Variants in CNTNAP5 observed in about 807,000 individuals in gnomAD.
CNTNAP5 encodes contactin associated protein family member 5.
In CNTNAP5, 72 loss-of-function variants were observed where a neutral mutation model predicts 150.2. The ratio of observed to expected loss-of-function variants is 0.48; its 90% CI spans 0.40 to 0.58. The LOEUF is 0.58. CNTNAP5 is among the 20% of genes least tolerant of loss of function. The pLI, the probability that CNTNAP5 is intolerant of heterozygous loss-of-function variation, is 0.00. For synonymous variants in CNTNAP5, 672 were observed against 619.8 expected (o/e 1.08, Z -1.25); for missense variants, 1,636 against 1,626.2 (o/e 1.01, Z -0.10).
chr2:124,226,454 GT>G (rs543379543), intron 2 of CNTNAP5, among the ~76,000 whole-genome samples: 241 of 152,120 alleles, frequency 1.6e-3, no homozygotes, highest in Non-Finnish European at 2.2e-3. Flanking sequence ...TGGGTTATTT[GT>G]TTTTTTGCTA....
intron 7 of CNTNAP5, among the ~76,000 whole-genome samples, chr2:124,489,540 A>G (rs1387515452): frequency 6.6e-6 from 1 of 152,170 alleles, no homozygotes; most frequent in Non-Finnish European, 1.5e-5. Context: ...CAACACATGA[A>G]TTTAGAGGAA....
chr2:124,738,287 A>G (rs1680428554), intron 13 of CNTNAP5, among the ~76,000 whole-genome samples: 1 of 152,176 alleles, frequency 6.6e-6, no homozygotes, highest in Non-Finnish European at 1.5e-5. Flanking sequence ...TTGTCGTATC[A>G]GGGAAATTGT....
At chr2:124,052,221 A>G (rs1681714982) in intron 1 of CNTNAP5, among the ~76,000 whole-genome samples, 1 of 152,200 alleles carries the variant, frequency 6.6e-6, no homozygotes, top group African/African-American at 2.4e-5. Context: ...TGATCCTTAA[A>G]TTTCATCAGA....
intron 1 of CNTNAP5, among the ~76,000 whole-genome samples, chr2:124,046,747 A>G (rs770344655): frequency 1.3e-5 from 2 of 152,152 alleles, no homozygotes; most frequent in Non-Finnish European, 2.9e-5. Flanking sequence ...CCAAGGGGAC[A>G]TTTTAGACAT....
At chr2:124,501,447 T>C (rs1361678278) in intron 7 of CNTNAP5, among the ~76,000 whole-genome samples, 1 of 152,150 alleles carries the variant, frequency 6.6e-6, no homozygotes, top group African/African-American at 2.4e-5. Context: ...AAAAGATATA[T>C]AGGGTAGAAT....
At chr2:124,342,686 G>A (rs550186789) in intron 3 of CNTNAP5, among the ~76,000 whole-genome samples, 2 of 152,022 alleles carry the variant, frequency 1.3e-5, no homozygotes, top group South Asian at 2.1e-4. Flanking sequence ...GGATCAATCA[G>A]GGAGAAAAAA....
chr2:124,839,691 A>G (rs1290793642), intron 19 of CNTNAP5, among the ~76,000 whole-genome samples: 2 of 152,100 alleles, frequency 1.3e-5, no homozygotes, highest in Non-Finnish European at 2.9e-5. Flanking sequence ...CTTCTGCCTT[A>G]TAAACCAAAA....
intron 1 of CNTNAP5, among the ~76,000 whole-genome samples, chr2:124,112,523 A>C (rs942486006): frequency 2.0e-5 from 3 of 152,192 alleles, no homozygotes; most frequent in Non-Finnish European, 4.4e-5. Flanking sequence ...GTATGTATCA[A>C]CTGAGCTCTC....
At chr2:124,902,356 G>A (rs532617697) in intron 21 of CNTNAP5, among the ~76,000 whole-genome samples, 16 of 152,216 alleles carry the variant, frequency 1.1e-4, no homozygotes, top group African/African-American at 3.6e-4. Context: ...TAGAAGGTCA[G>A]TCTACACAGG....
At chr2:124,695,108 A>G (rs1679379276) in intron 13 of CNTNAP5, among the ~76,000 whole-genome samples, 1 of 152,130 alleles carries the variant, frequency 6.6e-6, no homozygotes, top group South Asian at 2.1e-4. Flanking sequence ...TTCAGTCCAG[A>G]GAATCGATAA....
intron 3 of CNTNAP5, among the ~76,000 whole-genome samples, chr2:124,284,448 T>A (rs1558833914): frequency 6.6e-6 from 1 of 151,912 alleles, no homozygotes; most frequent in Non-Finnish European, 1.5e-5. Context: ...CAACACACAC[T>A]GACACCTCTC....
At chr2:124,318,888 C>T (rs185432382) in intron 3 of CNTNAP5, among the ~76,000 whole-genome samples, 2 of 152,256 alleles carry the variant, frequency 1.3e-5, no homozygotes, top group Admixed American at 6.5e-5. Context: ...CCTACTGGGT[C>T]CTTGTGTTGT....
chr2:124,174,185 T>C (rs1277619038), intron 1 of CNTNAP5, among the ~76,000 whole-genome samples: 4 of 152,014 alleles, frequency 2.6e-5, no homozygotes, highest in Non-Finnish European at 5.9e-5. Context: ...AGATCTCTGA[T>C]AAAAATGTTC....
intron 6 of CNTNAP5, among the ~76,000 whole-genome samples, chr2:124,451,081 C>CAT (rs1196135062): frequency 2.8e-5 from 3 of 106,604 alleles, no homozygotes; most frequent in African/African-American, 7.6e-5. Context: ...TATATATACA[C>CAT]ACACACACAC....
intron 14 of CNTNAP5, among the ~76,000 whole-genome samples, chr2:124,754,765 G>T (rs11889990): frequency 6.6e-6 from 1 of 151,748 alleles, no homozygotes; most frequent in Non-Finnish European, 1.5e-5. Flanking sequence ...TTGGCTCACC[G>T]CAGCCTCAAA....
At chr2:124,063,998 G>A (rs17010819) in intron 1 of CNTNAP5, among the ~76,000 whole-genome samples, 15,226 of 152,140 alleles carry the variant, frequency 0.1, 873 homozygotes, top group East Asian at 0.29. Flanking sequence ...TATTGCTCCC[G>A]TTGCTGCAGA....
At chr2:124,354,606 G>A (rs1323010238) in intron 3 of CNTNAP5, among the ~76,000 whole-genome samples, 3 of 152,132 alleles carry the variant, frequency 2.0e-5, no homozygotes, top group Non-Finnish European at 4.4e-5. Context: ...GAATCTTGAC[G>A]TGAGTCTCTA....
intron 1 of CNTNAP5, among the ~76,000 whole-genome samples, chr2:124,107,260 T>G (rs1683189627): frequency 6.6e-6 from 1 of 152,214 alleles, no homozygotes; most frequent in Admixed American, 6.5e-5. Context: ...TGAGGGCTAT[T>G]GGAAACCACT....
intron 12 of CNTNAP5, among the ~76,000 whole-genome samples, chr2:124,630,755 G>T (rs906382087): frequency 6.6e-6 from 1 of 151,958 alleles, no homozygotes; most frequent in Non-Finnish European, 1.5e-5. Context: ...AGAAATAAAG[G>T]GTATTCAAAT....
Sources: allele counts gnomAD v4.1 joint callset (sites outside exome capture counted in the v4.1 genomes callset), GRCh38; gene constraint gnomAD v4.1.1; transcripts MANE v1.5; gene names NCBI Gene and HGNC (gene_info 2026-07-23, HGNC 2026-07-21).